CDH4: variants seen among roughly 807,000 people sequenced by gnomAD.
CDH4 encodes cadherin 4.
Under a neutral mutation model 86.0 loss-of-function variants are expected in CDH4, and 33 were observed. The ratio of observed to expected loss-of-function variants is 0.38; its 90% CI spans 0.29 to 0.51. CDH4 has a LOEUF of 0.51. Ranked by LOEUF, CDH4 falls within the 20% of genes least tolerant of loss-of-function variation. The probability of loss-of-function intolerance (pLI) is 0.86; values close to 1 mark genes in which losing one functional copy is unlikely to be tolerated. For synonymous variants in CDH4, 555 were observed against 549.4 expected (o/e 1.01, Z -0.14); for missense variants, 1,114 against 1,307.4 (o/e 0.85, Z 2.28).
At chr20:61,912,848 C>T (rs1239820975) in intron 9 of CDH4, among the ~76,000 whole-genome samples, 1 of 152,172 alleles carries the variant, frequency 6.6e-6, no homozygotes, top group African/African-American at 2.4e-5. Context: ...TTCTCCTTTT[C>T]TCTGGGCGCA....
intron 9 of CDH4, among the ~76,000 whole-genome samples, chr20:61,919,393 A>G (rs992105489): frequency 6.6e-6 from 1 of 152,156 alleles, no homozygotes; most frequent in African/African-American, 2.4e-5. Context: ...GGGGTTCAAA[A>G]CAGCACCTTG....
intron 3 of CDH4, among the ~76,000 whole-genome samples, chr20:61,764,592 A>G (rs1407584087): frequency 6.6e-6 from 1 of 151,986 alleles, no homozygotes; most frequent in African/African-American, 2.4e-5. Context: ...CGAGCAGCCC[A>G]CTGGAGCCCA....
chr20:61,415,406 T>G (rs2085141108), intron 2 of CDH4, among the ~76,000 whole-genome samples: 1 of 152,212 alleles, frequency 6.6e-6, no homozygotes. Flanking sequence ...TAACCATTTT[T>G]TATGTGTACA....
chr20:61,825,893 G>T (rs1675846777), intron 4 of CDH4, among the ~76,000 whole-genome samples: 1 of 152,162 alleles, frequency 6.6e-6, no homozygotes, highest in South Asian at 2.1e-4. Context: ...TTGGAGCTCT[G>T]CTTGATGCCT....
At chr20:61,585,676 A>G (rs1219290561) in intron 2 of CDH4, among the ~76,000 whole-genome samples, 5 of 19,454 alleles carry the variant, frequency 2.6e-4, no homozygotes, top group Non-Finnish European at 6.0e-4. Flanking sequence ...TGTGATGGTG[A>G]TGGTGATGGT....
intron 2 of CDH4, among the ~76,000 whole-genome samples, chr20:61,466,665 A>G (rs2085473161): frequency 6.6e-6 from 1 of 152,104 alleles, no homozygotes; most frequent in South Asian, 2.1e-4. Flanking sequence ...GCAACATGGC[A>G]AAACTCTGCC....
chr20:61,451,790 A>G (rs2085382455), intron 2 of CDH4, among the ~76,000 whole-genome samples: 1 of 152,126 alleles, frequency 6.6e-6, no homozygotes, highest in African/African-American at 2.4e-5. Flanking sequence ...GTGGTGTGCC[A>G]GGGATCCCAG....
At chr20:61,258,363 G>C in intron 2 of CDH4, among the ~76,000 whole-genome samples, 1 of 95,228 alleles carries the variant, frequency 1.1e-5, no homozygotes, top group Admixed American at 1.1e-4. Context: ...AAAAAAGAAA[G>C]AGGAGCATGT....
intron 2 of CDH4, among the ~76,000 whole-genome samples, chr20:61,734,925 C>T (rs2088242416): frequency 6.6e-6 from 1 of 152,158 alleles, no homozygotes; most frequent in Non-Finnish European, 1.5e-5. Context: ...AGACGATAGC[C>T]CCCGCTCCCG....
chr20:61,773,344 A>T (rs114239787), intron 4 of CDH4, among the ~76,000 whole-genome samples, 162 bp downstream of exon 4: 27 of 152,304 alleles, frequency 1.8e-4, no homozygotes, highest in African/African-American at 6.3e-4. Context: ...GCGATGAAAA[A>T]TTCAGGCGGG....
chr20:61,523,389 G>A (rs1369381250), intron 2 of CDH4, among the ~76,000 whole-genome samples: 1 of 152,214 alleles, frequency 6.6e-6, no homozygotes, highest in African/African-American at 2.4e-5. Context: ...TGCGTGGCAT[G>A]GCGTGCTCCT....
intron 2 of CDH4, among the ~76,000 whole-genome samples, chr20:61,576,156 T>TG (rs1369568158): frequency 6.6e-6 from 1 of 152,346 alleles, no homozygotes; most frequent in East Asian, 1.9e-4. Context: ...GCACAGCTCC[T>TG]GGTAGCGTGG....
intron 2 of CDH4, among the ~76,000 whole-genome samples, chr20:61,550,168 C>A (rs1003632634): frequency 8.4e-5 from 12 of 143,380 alleles, no homozygotes; most frequent in Non-Finnish European, 1.7e-4. Flanking sequence ...CTGCCCCAAC[C>A]TCACTGGCCT....
chr20:61,830,901 A>G (rs988346350), intron 4 of CDH4, among the ~76,000 whole-genome samples: 4 of 152,078 alleles, frequency 2.6e-5, no homozygotes, highest in African/African-American at 9.7e-5. Flanking sequence ...CTGTTTGTTG[A>G]TGGTGCAGGA....
At chr20:61,755,141 A>C (rs776905183) in intron 3 of CDH4, 2 of 152,292 alleles carry the variant, frequency 1.3e-5, no homozygotes, top group East Asian at 1.9e-4. Context: ...TATCACGAGA[A>C]TAGCACGGGA....
chr20:61,734,092 G>C (rs1022347575), intron 2 of CDH4, among the ~76,000 whole-genome samples: 2 of 152,228 alleles, frequency 1.3e-5, no homozygotes, highest in African/African-American at 4.8e-5. Context: ...CTCCTAATGA[G>C]GGGAGCTGCC....
intron 2 of CDH4, among the ~76,000 whole-genome samples, chr20:61,698,323 C>T (rs932371343): frequency 2.0e-5 from 3 of 152,364 alleles, no homozygotes; most frequent in African/African-American, 7.2e-5. Context: ...GGCACAGAGT[C>T]GAGCCTTCAA....
chr20:61,934,519 G>GCGCCAGTAGCAAGCACAGGCCT (rs934790356), intron 15 of CDH4, among the ~76,000 whole-genome samples: 1 of 152,246 alleles, frequency 6.6e-6, no homozygotes. Flanking sequence ...TGCAGCAGAG[G>GCGCCAGTAGCAAGCACAGGCCT]CGCCAGTAGC....
chr20:61,508,461 C>T (rs2085757458), intron 2 of CDH4, among the ~76,000 whole-genome samples: 2 of 151,808 alleles, frequency 1.3e-5, no homozygotes, highest in African/African-American at 2.4e-5. Context: ...TAATGAGAAG[C>T]TGGTGACTGT....
Sources: allele counts gnomAD v4.1 joint callset (sites outside exome capture counted in the v4.1 genomes callset), GRCh38; gene constraint gnomAD v4.1.1; transcripts MANE v1.5; gene names NCBI Gene and HGNC (gene_info 2026-07-23, HGNC 2026-07-21).